The following ZNHIT6 variants were observed in gnomAD, a reference collection of about 807,000 sequenced individuals.
The protein encoded by ZNHIT6 is zinc finger HIT-type containing 6, also known as box C/D snoRNA protein 1.
Under a neutral mutation model 57.2 loss-of-function variants are expected in ZNHIT6, and 45 were observed. The observed-to-expected ratio is 0.79, with a 90% CI of 0.62 to 1.01. The LOEUF (loss-of-function observed/expected upper bound fraction) is 1.01. Ranked by LOEUF, ZNHIT6 falls within the 50% of genes least tolerant of loss-of-function variation. ZNHIT6 has a pLI of 0.00. For missense variants in ZNHIT6, 528 were observed against 567.3 expected (o/e 0.93, Z 0.70); for synonymous variants, 188 against 190.0 (o/e 0.99, Z 0.09).
At chr1:85,693,074 A>G (rs993850709) in intron 5 of ZNHIT6, among the ~76,000 whole-genome samples, 1 of 152,200 alleles carries the variant, frequency 6.6e-6, no homozygotes, top group African/African-American at 2.4e-5. Context: ...AAAGTTAAGG[A>G]CTTTCAGTTC....
chr1:85,707,080 T>C (rs1172307323), intron 1 of ZNHIT6, among the ~76,000 whole-genome samples: 1 of 152,210 alleles, frequency 6.6e-6, no homozygotes, highest in Non-Finnish European at 1.5e-5. Context: ...TACTTCTATT[T>C]AGCCCACTGT....
At chr1:85,667,783 A>C (rs1346937485) in intron 8 of ZNHIT6, among the ~76,000 whole-genome samples, 1 of 149,674 alleles carries the variant, frequency 6.7e-6, no homozygotes, top group East Asian at 2.0e-4. Context: ...AAAATACAAA[A>C]ATTAGCCAGG....
At chr1:85,667,947 C>A (rs12405147) in intron 8 of ZNHIT6, among the ~76,000 whole-genome samples, 994 of 9,188 alleles carry the variant, frequency 0.11, 65 homozygotes, top group Non-Finnish European at 0.17. Context: ...CTCTCTCTTT[C>A]AAAAAAAAAA....
At chr1:85,664,513 T>C (rs1249198337) in intron 8 of ZNHIT6, among the ~76,000 whole-genome samples, 1 of 152,178 alleles carries the variant, frequency 6.6e-6, no homozygotes. Context: ...TCATGCATTA[T>C]CCTTAGCAAA....
intron 7 of ZNHIT6, among the ~76,000 whole-genome samples, chr1:85,678,449 A>G (rs141998221): frequency 9.9e-4 from 150 of 152,252 alleles, no homozygotes; most frequent in African/African-American, 3.4e-3. Flanking sequence ...TATAATAATA[A>G]TCTACTTTTC....
rs369301554 is a variant in ZNHIT6 at position 85,653,823 on chromosome 1, A to G, written c.*235T>C. 8.0e-4 allele frequency: 326 copies of G among 409,340 alleles called. No homozygotes were observed. The highest frequency in any genetic ancestry group is 6.3e-3 in the African/African-American group (304 of 48,552). The allele number at this position is 409,340 out of a possible 1,614,324, so 25.4% of individuals were successfully genotyped here. A position where few individuals can be genotyped will look rare whatever the true frequency, so the allele number is the denominator to read the frequency against. On this transcript the variant is annotated 3_prime_UTR_variant, in exon 10 of 10. Coordinates refer to ENST00000370574, the MANE Select transcript of ZNHIT6 (RefSeq NM_017953.4). ...CATATTAAAAAGCCAGGGCCTAATA[A>G]GTACTATGCTGATCAAGTGCAAAGG...
At chr1:85,658,562 T>C (rs1012018027) in intron 8 of ZNHIT6, among the ~76,000 whole-genome samples, 1 of 151,682 alleles carries the variant, frequency 6.6e-6, no homozygotes, top group Non-Finnish European at 1.5e-5. Context: ...CAAGAAATAG[T>C]TAAAGACTCT....
intron 8 of ZNHIT6, among the ~76,000 whole-genome samples, chr1:85,663,011 A>G (rs1011543707): frequency 5.9e-5 from 9 of 152,180 alleles, no homozygotes; most frequent in Admixed American, 5.9e-4. Context: ...AAATTCAATT[A>G]CTTTTAAATC....
chr1:85,696,500 A>G (rs1267276740), intron 5 of ZNHIT6, among the ~76,000 whole-genome samples: 1 of 152,106 alleles, frequency 6.6e-6, no homozygotes, highest in African/African-American at 2.4e-5. Context: ...ATACTGAAGG[A>G]TACTTTAGGT....
Position 85,651,885 on chromosome 1 carries a change from A to G in ZNHIT6, c.*2173T>C, listed in dbSNP as rs1166950234. ...ATTCTCTCCAAGCCATTGGTAATTCACTAAAACACACGTGTATTGTAAATC... is the reference window on the plus strand; with the variant it reads ...ATTCTCTCCAAGCCATTGGTAATTCGCTAAAACACACGTGTATTGTAAATC... On this transcript the variant is annotated 3_prime_UTR_variant, in exon 10 of 10. Transcript: ENST00000370574. 3 of 152,240 alleles carry G rather than the reference A, an allele frequency of 2.0e-5. No individual in the cohort carries two copies. The highest frequency in any genetic ancestry group is 4.4e-5 in the Non-Finnish European group (3 of 68,042). The allele number at this position is 152,240 out of a possible 1,614,324, so 9.4% of individuals were successfully genotyped here. A position where few individuals can be genotyped will look rare whatever the true frequency, so the allele number is the denominator to read the frequency against.
intron 9 of ZNHIT6, among the ~76,000 whole-genome samples, chr1:85,657,515 A>G (rs1341925432): frequency 6.6e-6 from 1 of 151,700 alleles, no homozygotes; most frequent in Non-Finnish European, 1.5e-5. Context: ...ACTATGGAGT[A>G]AATGTACGTG....
Position 85,707,821 on chromosome 1 carries a change from T to C in ZNHIT6, c.464A>G (p.Glu155Gly), listed in dbSNP as rs574654163. The change falls in exon 1 of 10, where the codon GAG (glutamate) becomes GGG (glycine). Residue 155 changes from glutamate to glycine, a missense_variant. Transcript: ENST00000370574. ...CTGTTTTATCTCCAAGTTATCCTTC[T>C]CTTCCTTCACTTCTGACCAGTCCAT... ...EVMDWSEVKE[E>G]KDNLEIKQEE... 18 of 1,614,170 alleles carry C rather than the reference T, an allele frequency of 1.1e-5. No individual in the cohort carries two copies. In the East Asian group the frequency reaches 3.8e-4, roughly 34 times the overall value.
intron 5 of ZNHIT6, among the ~76,000 whole-genome samples, chr1:85,691,308 C>T (rs919636763): frequency 5.9e-5 from 9 of 152,074 alleles, no homozygotes; most frequent in Non-Finnish European, 8.8e-5. Flanking sequence ...GCAAATACAA[C>T]GAAGATGACT....
chr1:85,687,299 C>CA lies in ZNHIT6; in HGVS notation c.1020-6396dup, dbSNP rs55889012. 4.6e-4 allele frequency among the ~76,000 whole-genome samples: 36 copies of CA among 77,944 alleles called. 2 individuals are homozygous for CA. The highest frequency in any genetic ancestry group is 1.4e-3 in the African/African-American group (29 of 20,820). 51.1% of individuals were successfully genotyped at this position (77,944 alleles called of 152,430 possible). A position where few individuals can be genotyped will look rare whatever the true frequency, so the allele number is the denominator to read the frequency against. On this transcript the variant is annotated intron_variant, in intron 5 of 9. Coordinates refer to ENST00000370574, the MANE Select transcript of ZNHIT6 (RefSeq NM_017953.4). Reference sequence around the variant, plus strand: ...ACTATCTCAAAAAACAAAAAAAAAACAAAAAAAAAAAACAATTTAGAACCC... The same window carrying CA: ...ACTATCTCAAAAAACAAAAAAAAAACAAAAAAAAAAAAACAATTTAGAACCC...
rs751551583 is a variant in ZNHIT6 at position 85,677,297 on chromosome 1, G to A, written c.1186C>T (p.Arg396Cys). 50 of 1,606,258 alleles carry A rather than the reference G, an allele frequency of 3.1e-5. No homozygotes were observed. Among genetic ancestry groups the A allele is most frequent in the Middle Eastern group, 3.4e-4 (2 of 5,960 alleles). ...AAAATCTGAACCCCAGTCTGAGAGC[G>A]AATGTAGGCTTTCAACCTGAAATAA... is the stretch of plus-strand genomic sequence containing the variant. ...VIRQRLKAYI[R>C]SQTGVQILMK... The change falls in exon 8 of 10, where the codon CGC becomes TGC. Residue 396 changes from arginine to cysteine, a missense_variant. Arg to Cys is a radical substitution (Grantham distance 180, BLOSUM62 -3). Transcript: ENST00000370574.
At chr1:85,676,476 C>T (rs1661708410) in intron 8 of ZNHIT6, among the ~76,000 whole-genome samples, 1 of 152,214 alleles carries the variant, frequency 6.6e-6, no homozygotes, top group Admixed American at 6.5e-5. Flanking sequence ...AGCTTTCAGC[C>T]TATCTCGGCT....
intron 5 of ZNHIT6, among the ~76,000 whole-genome samples, chr1:85,691,680 T>C (rs1662224299): frequency 6.6e-6 from 1 of 152,174 alleles, no homozygotes. Context: ...GCGGATCACC[T>C]GAGGCCAGGA....
chr1:85,661,571 C>T (rs1487809064), intron 8 of ZNHIT6, among the ~76,000 whole-genome samples: 1 of 152,178 alleles, frequency 6.6e-6, no homozygotes, highest in Non-Finnish European at 1.5e-5. Context: ...TGTAGCCTTA[C>T]AACTTTCTGT....
At position 85,651,584 on chromosome 1, in the gene ZNHIT6, T is replaced by G. The variant is rs1218596315; in HGVS notation, c.*2474A>C. 2 of 152,190 alleles carry G rather than the reference T, an allele frequency of 1.3e-5. No homozygotes were observed. The highest frequency in any genetic ancestry group is 2.9e-5 in the Non-Finnish European group (2 of 68,032). The allele number at this position is 152,190 out of a possible 1,614,324, so 9.4% of individuals were successfully genotyped here. On this transcript the variant is annotated 3_prime_UTR_variant, in exon 10 of 10. Transcript: ENST00000370574. ...GGTACAAGTTTTATTTACTATAATT[T>G]ATGACTATTAATCCTATATGTATAA...
Sources: gnomAD v4.1 joint callset for allele counts (sites outside exome capture counted in the v4.1 genomes callset) on GRCh38, gnomAD v4.1.1 for gene constraint, MANE v1.5 for transcripts, NCBI Gene and HGNC (gene_info 2026-07-23, HGNC 2026-07-21) for gene names.